The following TTC8 variants were observed in gnomAD, a reference collection of about 807,000 sequenced individuals.
TTC8 encodes the protein tetratricopeptide repeat protein 8.
A neutral mutation model predicts 72.5 loss-of-function variants in TTC8; 47 were observed. The observed-to-expected ratio is 0.65, with a 90% CI of 0.51 to 0.83. TTC8 has a LOEUF of 0.83. Ranked by LOEUF, TTC8 falls within the 40% of genes least tolerant of loss-of-function variation. TTC8 has a pLI of 0.00. For missense variants in TTC8, 611 were observed against 623.2 expected (o/e 0.98, Z 0.21); for synonymous variants, 199 against 221.4 (o/e 0.90, Z 0.90).
intron 7 of TTC8, among the ~76,000 whole-genome samples, chr14:88,851,728 C>T (rs1374404119): frequency 6.6e-6 from 1 of 151,780 alleles, no homozygotes; most frequent in African/African-American, 2.4e-5. Context: ...GAAAAATAAG[C>T]ATATGAAAGT....
At chr14:88,853,128 AG>A (rs534798002) in intron 8 of TTC8, 72 bp downstream of exon 8, 192 of 1,075,164 alleles carry the variant, frequency 1.8e-4, no homozygotes, top group East Asian at 4.0e-4. Context: ...ATACTTTTTG[AG>A]GGGGGGGAGA....
At chr14:88,850,615 C>A (rs986439186) in intron 7 of TTC8, among the ~76,000 whole-genome samples, 1 of 152,128 alleles carries the variant, frequency 6.6e-6, no homozygotes, top group African/African-American at 2.4e-5. Flanking sequence ...ATTGCTTGAG[C>A]CTGGGAGGTG....
chr14:88,824,611 T>G, upstream of TTC8: 1 of 989,628 alleles, frequency 1.0e-6, no homozygotes, highest in South Asian at 1.4e-5. Context: ...GCCCCAGCCG[T>G]CGCGGGTTGC....
At chr14:88,866,920 AGTTC>A (rs1481612950) in intron 10 of TTC8, among the ~76,000 whole-genome samples, 1 of 152,210 alleles carries the variant, frequency 6.6e-6, no homozygotes, top group African/African-American at 2.4e-5. Flanking sequence ...ATGAATTGGC[AGTTC>A]ACTGAAAGAG....
chr14:88,849,357 A>G (rs762305788), intron 7 of TTC8, among the ~76,000 whole-genome samples: 1 of 152,198 alleles, frequency 6.6e-6, no homozygotes, highest in Middle Eastern at 3.2e-3. Flanking sequence ...AGTATAAAGC[A>G]TGTATTTTTA....
intron 1 of TTC8, among the ~76,000 whole-genome samples, chr14:88,833,381 G>A (rs1291764249): frequency 6.6e-6 from 1 of 151,846 alleles, no homozygotes; most frequent in African/African-American, 2.4e-5. Flanking sequence ...TATTTCCTTG[G>A]TATAGTTATG....
intron 1 of TTC8, among the ~76,000 whole-genome samples, chr14:88,826,596 C>T (rs919733508): frequency 4.6e-5 from 7 of 151,834 alleles, no homozygotes; most frequent in African/African-American, 1.7e-4. Flanking sequence ...CCCAGTTACT[C>T]GGGAGGCCGA....
chr14:88,852,875 AT>A (rs2094839544), intron 7 of TTC8, 95 bp from the exon 8 acceptor site: 2 of 1,058,768 alleles, frequency 1.9e-6, no homozygotes, highest in Non-Finnish European at 2.8e-6. Flanking sequence ...GCACATTTTG[AT>A]TGGTGCTAAT....
intron 3 of TTC8, among the ~76,000 whole-genome samples, 177 bp downstream of exon 3, chr14:88,839,749 A>T (rs1472910053): frequency 6.6e-6 from 1 of 152,192 alleles, no homozygotes; most frequent in Non-Finnish European, 1.5e-5. Context: ...GTTCTGCCTT[A>T]TGGTACAAAG....
At chr14:88,862,838 T>G (rs1331617792) in intron 10 of TTC8, among the ~76,000 whole-genome samples, 1 of 151,212 alleles carries the variant, frequency 6.6e-6, no homozygotes, top group Admixed American at 6.6e-5. Flanking sequence ...TTTAGAGTCA[T>G]GTCGTCAAAT....
At chr14:88,857,321 A>C in intron 9 of TTC8, 44 bp downstream of exon 9, 1 of 1,535,900 alleles carries the variant, frequency 6.5e-7, no homozygotes, top group Non-Finnish European at 9.0e-7. Flanking sequence ...TCTCAGAATA[A>C]ATGTTTAAAT....
intron 1 of TTC8, among the ~76,000 whole-genome samples, chr14:88,825,159 G>C (rs1382520345): frequency 6.6e-6 from 1 of 152,230 alleles, no homozygotes; most frequent in African/African-American, 2.4e-5. Flanking sequence ...TGGGCTTTAA[G>C]CTCTCAGCGT....
intron 13 of TTC8, among the ~76,000 whole-genome samples, chr14:88,874,636 GTCAA>G (rs1358427923): frequency 1.1e-4 from 17 of 152,118 alleles, no homozygotes; most frequent in Non-Finnish European, 7.4e-5. Flanking sequence ...AGCCTGCTTA[GTCAA>G]TCAACAGCAG....
intron 3 of TTC8, 166 bp from the exon 4 acceptor site, chr14:88,840,699 A>G: frequency 1.4e-6 from 1 of 697,012 alleles, no homozygotes; most frequent in South Asian, 1.7e-5. Context: ...AAGTAACATG[A>G]TAGGTACTCA....
intron 9 of TTC8, among the ~76,000 whole-genome samples, chr14:88,859,954 G>C (rs2094878064): frequency 1.7e-5 from 2 of 121,022 alleles, no homozygotes; most frequent in Admixed American, 8.2e-5. Flanking sequence ...ACTATATATA[G>C]TAATATAATA....
At chr14:88,878,720 A>G (rs1357441981), downstream of TTC8, 3 of 152,250 alleles carry the variant, frequency 2.0e-5, no homozygotes, top group Non-Finnish European at 2.9e-5. Context: ...TTCAAATGGT[A>G]TAATGTGAAT....
rs377072219 is a variant in TTC8, at chr14:88,824,707, C to G, written c.-1C>G. On this transcript the variant is annotated 5_prime_UTR_variant, in exon 1 of 15. Transcript: ENST00000380656. ...GGCCTTCGCTGGCCGCACCGGCAGC[C>G]ATGAGCTCGGAGATGGAGCCGCTGC... 47 of 1,605,684 alleles carry G rather than the reference C, an allele frequency of 2.9e-5. No individual in the cohort carries two copies. Among genetic ancestry groups the G allele is most frequent in the Non-Finnish European group, 3.8e-5 (45 of 1,176,578 alleles).
chr14:88,850,113 A>T (rs2094826764), intron 7 of TTC8, among the ~76,000 whole-genome samples: 1 of 152,226 alleles, frequency 6.6e-6, no homozygotes, highest in South Asian at 2.1e-4. Context: ...AAATCATTAA[A>T]GTCTTATTTA....
chr14:88,829,082 A>G (rs1266309931), intron 1 of TTC8, among the ~76,000 whole-genome samples: 2 of 152,196 alleles, frequency 1.3e-5, no homozygotes, highest in African/African-American at 4.8e-5. Context: ...TGGGTTCTCA[A>G]CTGCTTTTTC....
Sources: allele counts gnomAD v4.1 joint callset (sites outside exome capture counted in the v4.1 genomes callset), GRCh38; gene constraint gnomAD v4.1.1; transcripts MANE v1.5; gene names NCBI Gene and HGNC (gene_info 2026-07-23, HGNC 2026-07-21).